Variants in PAICS observed in about 807,000 individuals in gnomAD.
PAICS encodes the protein bifunctional phosphoribosylaminoimidazole carboxylase/phosphoribosylaminoimidazole succinocarboxamide synthetase.
Under a neutral mutation model 53.7 loss-of-function variants are expected in PAICS, and 33 were observed. The observed-to-expected ratio is 0.61, with a 90% CI of 0.47 to 0.82. The LOEUF is 0.82. Ranked by LOEUF, PAICS falls within the 40% of genes least tolerant of loss-of-function variation. The pLI is 0.00. For missense variants in PAICS, 394 were observed against 494.1 expected (o/e 0.80, Z 1.92); for synonymous variants, 141 against 167.2 (o/e 0.84, Z 1.21).
At chr4:56,430,504 C>G in the PAICS span, among the ~76,000 whole-genome samples, 1 of 152,024 alleles carries the variant, frequency 6.6e-6, no homozygotes, top group Non-Finnish European at 1.5e-5. Context: ...TAGTAATATA[C>G]TTAGATGTAC....
At chr4:56,457,517 A>G (rs1719276396) in intron 8 of PAICS, among the ~76,000 whole-genome samples, 2 of 152,134 alleles carry the variant, frequency 1.3e-5, no homozygotes, top group African/African-American at 2.4e-5. Flanking sequence ...TTCTTCTTAG[A>G]CTTCGAGTCA....
the PAICS span, chr4:56,410,753 G>C: frequency 1.0e-6 from 1 of 987,160 alleles, no homozygotes; most frequent in Non-Finnish European, 1.2e-6. Context: ...CCATAACTCT[G>C]GAGACAGCTC....
At chr4:56,439,737 C>A (rs1343186178) in intron 1 of PAICS, among the ~76,000 whole-genome samples, 1 of 152,070 alleles carries the variant, frequency 6.6e-6, no homozygotes, top group Non-Finnish European at 1.5e-5. Context: ...CCCACTGCGG[C>A]CTCGACCTCC....
chr4:56,412,900 A>G, the PAICS span, among the ~76,000 whole-genome samples: 2 of 152,344 alleles, frequency 1.3e-5, no homozygotes, highest in South Asian at 2.1e-4. Context: ...TTATAAGCAC[A>G]TTAACATTTT....
upstream of PAICS, chr4:56,435,715 C>T: frequency 6.8e-7 from 1 of 1,469,662 alleles, no homozygotes; most frequent in Non-Finnish European, 9.0e-7. Context: ...GGTCCCGCGG[C>T]TGAGGGGCGG....
chr4:56,433,512 C>T (rs1277084478), upstream of PAICS, among the ~76,000 whole-genome samples: 2 of 148,764 alleles, frequency 1.3e-5, no homozygotes, highest in Non-Finnish European at 3.0e-5. Context: ...AAAAAAAAGC[C>T]TCTTTTTCTT....
In PAICS at chr4:56,444,426, C is replaced by T. The variant is rs116046946; in HGVS notation, c.215-2269C>T. Among the ~76,000 whole-genome samples the T allele has an allele frequency of 9.2e-3, 1,402 of 152,188 alleles. 22 individuals carry two copies. The highest frequency in any genetic ancestry group is 0.032 in the African/African-American group (1,329 of 41,496). On this transcript the variant is annotated intron_variant, in intron 2 of 8. Transcript: ENST00000512576. ...AAGTGTAATACTAGTATATGAAGAACGGTACTACAGTTGCTAAACCACAGA... is the reference window on the plus strand; with the variant it reads ...AAGTGTAATACTAGTATATGAAGAATGGTACTACAGTTGCTAAACCACAGA...
chr4:56,424,852 G>A, the PAICS span, among the ~76,000 whole-genome samples: 2 of 152,114 alleles, frequency 1.3e-5, no homozygotes, highest in South Asian at 2.1e-4. Context: ...ATGTATTCCC[G>A]CAAGCCACTG....
rs1719585079 is a variant in PAICS, at chr4:56,463,537, T to C, written c.*3999T>C. 6.6e-6 allele frequency: 1 copy of C among 151,446 alleles called. No individual in the cohort carries two copies. The highest frequency in any genetic ancestry group is 2.1e-4 in the South Asian group (1 of 4,800). The allele number at this position is 151,446 out of a possible 1,614,324, so 9.4% of individuals were successfully genotyped here. A position where few individuals can be genotyped will look rare whatever the true frequency, so the allele number is the denominator to read the frequency against. ...GGAGAAACCCCCTCTTTACTAAAAA[T>C]ACAAAATTAGCCAGGCATGGTGGTG... On this transcript the variant is annotated 3_prime_UTR_variant, in exon 9 of 9. Transcript: ENST00000512576.
intron 1 of PAICS, among the ~76,000 whole-genome samples, chr4:56,438,393 AT>A (rs1245453211): frequency 3.5e-5 from 4 of 115,804 alleles, no homozygotes; most frequent in African/African-American, 1.2e-4. Context: ...ATATATATAT[AT>A]ATATATATAA....
intron 5 of PAICS, among the ~76,000 whole-genome samples, chr4:56,450,182 G>C (rs1209208727): frequency 6.6e-6 from 1 of 152,088 alleles, no homozygotes; most frequent in Admixed American, 6.5e-5. Flanking sequence ...AGGGTGGGGA[G>C]CAAGGGGAGG....
At chr4:56,418,133 G>A in the PAICS span, among the ~76,000 whole-genome samples, 1 of 151,438 alleles carries the variant, frequency 6.6e-6, no homozygotes, top group Admixed American at 6.6e-5. Flanking sequence ...CACCGCACCT[G>A]GCTGAAGATT....
At chr4:56,416,655 C>T in the PAICS span, among the ~76,000 whole-genome samples, 4 of 152,186 alleles carry the variant, frequency 2.6e-5, no homozygotes, top group East Asian at 1.9e-4. Flanking sequence ...CTCTAATTTC[C>T]GAACTTTACT....
At position 56,446,740 on chromosome 4, in the gene PAICS, T is replaced by C; in HGVS notation, c.260T>C (p.Ile87Thr). ...FTRKCGETAF[I>T]APQCEMIPIE... is the part of the protein sequence containing the mutation. ...AGAAAATGTGGGGAGACAGCTTTCA[T>C]TGCACCGCAGTGTGAAATGATTCCA... The change falls in exon 3 of 9, where the codon ATT (isoleucine) becomes ACT (threonine). Residue 87 changes from isoleucine (I) to threonine (T), a missense_variant. Ile to Thr is a moderately conservative substitution (Grantham distance 89). Coordinates refer to ENST00000512576, the MANE Select transcript of PAICS (RefSeq NM_001079524.2). 1 of 1,605,828 alleles carries C rather than the reference T, an allele frequency of 6.2e-7. No homozygotes were observed. The highest frequency in any genetic ancestry group is 8.5e-7 in the Non-Finnish European group (1 of 1,175,420).
At chr4:56,415,454 T>A in the PAICS span, among the ~76,000 whole-genome samples, 2 of 152,320 alleles carry the variant, frequency 1.3e-5, no homozygotes, top group Admixed American at 1.3e-4. Flanking sequence ...CCTCATTTTA[T>A]GAAAGCCTAT....
rs560605007 is a variant in PAICS, at chr4:56,450,287, A to G, written c.688-332A>G. On this transcript the variant is annotated intron_variant, in intron 5 of 8. Coordinates refer to ENST00000512576, the MANE Select transcript of PAICS (RefSeq NM_001079524.2). ...AAACTACCATGGCACATGTATACCT[A>G]TGTAACAAACCTGCACATTCTGCAC... 6.6e-5 allele frequency among the ~76,000 whole-genome samples: 10 copies of G among 152,336 alleles called. No homozygotes were observed. In the East Asian group the frequency reaches 1.3e-3, roughly 21 times the overall value.
the PAICS span, among the ~76,000 whole-genome samples, chr4:56,426,804 G>A: frequency 1.3e-5 from 2 of 152,038 alleles, no homozygotes; most frequent in East Asian, 3.9e-4. Context: ...CCATAAGTAC[G>A]TTCACGTTGT....
chr4:56,413,157 G>GGTTTT, the PAICS span, among the ~76,000 whole-genome samples: 3 of 149,288 alleles, frequency 2.0e-5, no homozygotes, highest in East Asian at 1.9e-4. Flanking sequence ...TTTGGTTTTT[G>GGTTTT]GTTTTGTTTT....
the PAICS span, among the ~76,000 whole-genome samples, chr4:56,413,430 C>A: frequency 3.3e-5 from 5 of 152,016 alleles, no homozygotes; most frequent in Non-Finnish European, 7.4e-5. Flanking sequence ...GCTGGCATTA[C>A]AGGCCTGAGG....
Sources: allele counts gnomAD v4.1 joint callset (sites outside exome capture counted in the v4.1 genomes callset), GRCh38; gene constraint gnomAD v4.1.1; transcripts MANE v1.5; gene names NCBI Gene and HGNC (gene_info 2026-07-23, HGNC 2026-07-21).